Variants in DOCK1 observed in about 807,000 individuals in gnomAD.
The protein encoded by DOCK1 is dedicator of cytokinesis 1, also known as dedicator of cytokinesis protein 1.
A neutral mutation model predicts 262.7 loss-of-function variants in DOCK1; 138 were observed. The ratio of observed to expected loss-of-function variants is 0.53; its 90% confidence interval spans 0.46 to 0.61. The LOEUF (loss-of-function observed/expected upper bound fraction) is 0.61. Ranked by LOEUF, DOCK1 falls within the 20% of genes least tolerant of loss-of-function variation. The probability of loss-of-function intolerance (pLI) is 0.00; values close to 1 mark genes in which losing one functional copy is unlikely to be tolerated. For missense variants in DOCK1, 1,908 were observed against 2,370.7 expected, an observed-to-expected ratio of 0.80 and a Z score of 4.05; for synonymous variants, 866 against 867.4, an observed-to-expected ratio of 1.00 and a Z score of 0.03.
At chr10:126,975,000 T>G (rs2038407953) in intron 2 of DOCK1, among the ~76,000 whole-genome samples, 1 of 152,050 alleles carries the variant, frequency 6.6e-6, no homozygotes, top group Non-Finnish European at 1.5e-5. Context: ...TGGCCCTTCC[T>G]CCTCCTGCCT....
chr10:127,239,034 CTG>C (rs2059170622), intron 27 of DOCK1, among the ~76,000 whole-genome samples: 1 of 152,184 alleles, frequency 6.6e-6, no homozygotes, highest in South Asian at 2.1e-4. Flanking sequence ...GTTGTGCTTC[CTG>C]TGTTGATGCT....
At chr10:127,269,006 G>A (rs2060471818) in intron 29 of DOCK1, among the ~76,000 whole-genome samples, 1 of 152,130 alleles carries the variant, frequency 6.6e-6, no homozygotes, top group Non-Finnish European at 1.5e-5. Context: ...CCCAGCCAGA[G>A]GCCACCTTCA....
rs1227358999 is a variant in DOCK1 at position 127,446,264 on chromosome 10, G to C, written c.5414-1130G>C. 7.0e-6 allele frequency among the ~76,000 whole-genome samples: 1 copy of C among 142,862 alleles called. No homozygotes were observed. Among genetic ancestry groups the C allele is most frequent in the Non-Finnish European group, 1.5e-5 (1 of 66,298 alleles). The allele number at this position is 142,862 out of a possible 152,430, so 93.7% of individuals were successfully genotyped here. A position where few individuals can be genotyped will look rare whatever the true frequency, so the allele number is the denominator to read the frequency against. On this transcript the variant is annotated intron_variant, in intron 50 of 51. Coordinates refer to ENST00000623213, the MANE Select transcript of DOCK1 (RefSeq NM_001290223.2). This position sits in a 1 kb window ranked among gnomAD's most constrained non-coding sequence, Gnocchi z 4.4. Reference sequence around the variant, plus strand: ...GACTCCATCCCAAACAAAAAGAAAAGAAAAAAAAAAAGAAAGTAGAATAGA... The same window carrying C: ...GACTCCATCCCAAACAAAAAGAAAACAAAAAAAAAAAGAAAGTAGAATAGA...
chr10:126,944,128 G>C (rs2134277434), intron 1 of DOCK1, among the ~76,000 whole-genome samples: 1 of 151,790 alleles, frequency 6.6e-6, no homozygotes, highest in East Asian at 2.0e-4. Context: ...GGTTGATGGT[G>C]GTGGGGGTGG....
intron 36 of DOCK1, among the ~76,000 whole-genome samples, chr10:127,380,881 G>A (rs758348420): frequency 3.9e-5 from 6 of 152,004 alleles, no homozygotes; most frequent in Non-Finnish European, 8.8e-5. Flanking sequence ...TTTCTTTATG[G>A]CAAAGAAATT....
At chr10:127,251,937 G>A (rs1427882130) in intron 28 of DOCK1, among the ~76,000 whole-genome samples, 1 of 151,994 alleles carries the variant, frequency 6.6e-6, no homozygotes, top group Non-Finnish European at 1.5e-5. Context: ...TCTAGTTCTA[G>A]ATCCCTGAGG....
At chr10:127,447,573 T>C in intron 51 of DOCK1, 28 bp downstream of exon 51, 1 of 1,610,600 alleles carries the variant, frequency 6.2e-7, no homozygotes, top group Non-Finnish European at 8.5e-7. Flanking sequence ...AACACAGGCT[T>C]TCATTGCTTC....
intron 27 of DOCK1, among the ~76,000 whole-genome samples, chr10:127,130,083 T>C (rs1228159189): frequency 7.0e-5 from 2 of 28,752 alleles, no homozygotes; most frequent in South Asian, 1.6e-3. Context: ...TTTTTTTTTT[T>C]TTTTTTTTTT....
chr10:127,196,639 G>T (rs371292072), intron 27 of DOCK1, among the ~76,000 whole-genome samples: 1 of 147,090 alleles, frequency 6.8e-6, no homozygotes, highest in Admixed American at 6.7e-5. Flanking sequence ...GGGCCGGGCC[G>T]GGCCGGGCCG....
At chr10:127,143,415 G>T (rs1228290175) in intron 27 of DOCK1, among the ~76,000 whole-genome samples, 3 of 152,188 alleles carry the variant, frequency 2.0e-5, no homozygotes, top group Non-Finnish European at 4.4e-5. Context: ...GCTGACTCAG[G>T]CTCTACCACT....
chr10:127,113,844 G>A (rs1170064230), intron 25 of DOCK1, among the ~76,000 whole-genome samples: 1 of 152,126 alleles, frequency 6.6e-6, no homozygotes, highest in Non-Finnish European at 1.5e-5. Context: ...AGGCCCTCAA[G>A]GATTAGATGA....
Position 127,395,635 on chromosome 10 carries a change from G to A in DOCK1, c.3928-7420G>A, listed in dbSNP as rs553781647. Reference sequence around the variant, plus strand: ...TGATTTCATTTTCCTCTTTTCAGGGGGTAATTCTGGCAACATGGTGGCAGC... The same window carrying A: ...TGATTTCATTTTCCTCTTTTCAGGGAGTAATTCTGGCAACATGGTGGCAGC... On this transcript the variant is annotated intron_variant, in intron 38 of 51. Coordinates refer to ENST00000623213, the MANE Select transcript of DOCK1 (RefSeq NM_001290223.2). 6.8e-4 allele frequency among the ~76,000 whole-genome samples: 104 copies of A among 152,338 alleles called. No individual in the cohort carries two copies. The Middle Eastern group carries it at 0.014, about 20-fold the overall frequency.
chr10:126,977,856 T>A, intron 2 of DOCK1, 92 bp from the exon 3 acceptor site: 3 of 1,261,748 alleles, frequency 2.4e-6, no homozygotes, highest in Non-Finnish European at 3.5e-6. Context: ...TCACTGGTTC[T>A]GCCAAACAGT....
chr10:127,191,798 T>C (rs2056775057), intron 27 of DOCK1, among the ~76,000 whole-genome samples: 1 of 152,182 alleles, frequency 6.6e-6, no homozygotes, highest in Non-Finnish European at 1.5e-5. Context: ...CTTTTTCCTC[T>C]TTCTCTCTGG....
At chr10:126,999,024 T>C (rs2040405777) in intron 8 of DOCK1, among the ~76,000 whole-genome samples, 1 of 152,190 alleles carries the variant, frequency 6.6e-6, no homozygotes, top group Non-Finnish European at 1.5e-5. Context: ...TCATAGGTTT[T>C]GAAATAAACA....
In DOCK1 at chr10:126,980,276, C is replaced by T. The variant is rs545734959; in HGVS notation, c.172-1642C>T. On this transcript the variant is annotated intron_variant, in intron 3 of 51. Transcript: ENST00000623213. ...GCACGATCATAGATCACTGCCACCG[C>T]GACTTCCTGGGCTCAAGGTATTCTC... is the stretch of plus-strand genomic sequence containing the variant. 7.9e-5 allele frequency among the ~76,000 whole-genome samples: 12 copies of T among 152,228 alleles called. No homozygotes were observed. The South Asian group carries it at 8.3e-4, about 11-fold the overall frequency.
intron 32 of DOCK1, among the ~76,000 whole-genome samples, chr10:127,361,324 C>T (rs996204124): frequency 6.6e-6 from 1 of 151,944 alleles, no homozygotes; most frequent in Non-Finnish European, 1.5e-5. Flanking sequence ...CCGTGTTAGC[C>T]AGGATGGTCT....
intron 1 of DOCK1, among the ~76,000 whole-genome samples, chr10:126,915,819 A>G (rs961086667): frequency 2.6e-5 from 4 of 151,920 alleles, no homozygotes; most frequent in Non-Finnish European, 4.4e-5. Flanking sequence ...ACACATGCAC[A>G]CCCCAGGCCC....
rs75278690 is a variant in DOCK1 at position 127,053,016 on chromosome 10, T to G, written c.2336+201T>G. Among the ~76,000 whole-genome samples, 1,259 of 152,270 alleles carry G rather than the reference T, an allele frequency of 8.3e-3. 15 individuals are homozygous for G. The highest frequency in any genetic ancestry group is 0.029 in the African/African-American group (1,207 of 41,548). ...CCTTACCCGCCTGGGTCCCTGCCGG[T>G]GCTGAGGCGGGAGCCCTGTTCCTGG... is the stretch of plus-strand genomic sequence containing the variant. On this transcript the variant is annotated intron_variant, in intron 22 of 51. Transcript: ENST00000623213.
Sources: allele counts gnomAD v4.1 joint callset (sites outside exome capture counted in the v4.1 genomes callset), GRCh38; gene constraint gnomAD v4.1.1; non-coding constraint Gnocchi (gnomAD v3.1); transcripts MANE v1.5; gene names NCBI Gene and HGNC (gene_info 2026-07-23, HGNC 2026-07-21).